The following HIVEP2 variants were observed in gnomAD, a reference collection of about 807,000 sequenced individuals.
HIVEP2 encodes HIVEP zinc finger 2.
A neutral mutation model predicts 180.7 loss-of-function variants in HIVEP2; 14 were observed. The observed-to-expected ratio is 0.08, with a 90% CI of 0.05 to 0.12. The LOEUF (loss-of-function observed/expected upper bound fraction) is 0.12. Among genes scored for constraint, HIVEP2 ranks in the 10% least tolerant of loss-of-function variants. The probability of loss-of-function intolerance (pLI) is 1.00; values close to 1 mark genes in which losing one functional copy is unlikely to be tolerated. For synonymous variants in HIVEP2, 1,184 were observed against 1,136.4 expected (o/e 1.04, Z -0.84); for missense variants, 2,579 against 3,008.5 (o/e 0.86, Z 3.34).
At chr6:142,877,948 A>G (rs556969223) in intron 1 of HIVEP2, among the ~76,000 whole-genome samples, 2 of 152,242 alleles carry the variant, frequency 1.3e-5, no homozygotes, top group East Asian at 3.9e-4. Context: ...TTTCCAAACA[A>G]GTGCTGGGAT....
At chr6:142,836,727 A>G (rs756872744) in intron 2 of HIVEP2, among the ~76,000 whole-genome samples, 34 of 152,160 alleles carry the variant, frequency 2.2e-4, no homozygotes, top group Non-Finnish European at 4.1e-4. Flanking sequence ...ACATTTTCTA[A>G]TCTTCAGCTA....
chr6:142,885,182 G>T (rs1464233517), intron 1 of HIVEP2, among the ~76,000 whole-genome samples: 3 of 152,088 alleles, frequency 2.0e-5, no homozygotes, highest in Admixed American at 2.0e-4. Context: ...ACTCTGCGCA[G>T]CCCATGGCAA....
Position 142,899,840 on chromosome 6 carries a change from A to G in HIVEP2, c.-641+45259T>C, listed in dbSNP as rs143818676. The stretch of plus-strand genomic sequence containing the variant: ...GGGTTAAGTACAGAGGTGAAAGGAA[A>G]AGGGTGAAGATCTGTATTTAATAGC... On this transcript the variant is annotated intron_variant, in intron 1 of 9. Coordinates refer to ENST00000367603, the MANE Select transcript of HIVEP2 (RefSeq NM_006734.4). Among the ~76,000 whole-genome samples, 3 of 152,268 alleles carry G rather than the reference A, an allele frequency of 2.0e-5. No individual in the cohort carries two copies. The East Asian group carries it at 5.8e-4, about 29-fold the overall frequency.
Position 142,753,123 on chromosome 6 carries a change from T to C in HIVEP2, c.7325A>G (p.Lys2442Arg). ...CATCATAGATCAATGTAGCTGACTC[T>C]TTTCTGATGAAGGATCTTTGCTTTC... is the stretch of plus-strand genomic sequence containing the variant. The part of the protein sequence containing the change: ...TEESKDPSSE[K>R]SQLH Residue 2442 changes from lysine (K) to arginine (R), a missense_variant, in exon 10 of 10, where the codon AAG (lysine) becomes AGG (arginine). Physicochemically the swap from Lys to Arg is conservative, Grantham distance 26. Coordinates refer to ENST00000367603, the MANE Select transcript of HIVEP2 (RefSeq NM_006734.4). 1 of 1,602,142 alleles carries C rather than the reference T, an allele frequency of 6.2e-7. No individual in the cohort carries two copies. The highest frequency in any genetic ancestry group is 8.6e-7 in the Non-Finnish European group (1 of 1,169,050).
chr6:142,785,330 A>T (rs1313008023), intron 2 of HIVEP2, among the ~76,000 whole-genome samples: 1 of 146,354 alleles, frequency 6.8e-6, no homozygotes, highest in African/African-American at 2.5e-5. Context: ...AAAAAAAAAA[A>T]AAAAAAAAAA....
At position 142,890,360 on chromosome 6, in the gene HIVEP2, C is replaced by A. The variant is rs184847939; in HGVS notation, c.-640-53313G>T. 5.3e-5 allele frequency among the ~76,000 whole-genome samples: 8 copies of A among 152,344 alleles called. No homozygotes were observed. The East Asian group carries it at 1.5e-3, about 29-fold the overall frequency. On this transcript the variant is annotated intron_variant, in intron 1 of 9. Coordinates refer to ENST00000367603, the MANE Select transcript of HIVEP2 (RefSeq NM_006734.4). ...AGTTAACGCAATTCAGCTTTTATTG[C>A]GTGTACTTCTTCACATATTCGTGCA...
chr6:142,785,558 C>T (rs1775978313), intron 2 of HIVEP2, among the ~76,000 whole-genome samples: 1 of 152,128 alleles, frequency 6.6e-6, no homozygotes, highest in African/African-American at 2.4e-5. Flanking sequence ...CACCAACCTC[C>T]CTTCCCTTCC....
intron 9 of HIVEP2, among the ~76,000 whole-genome samples, 166 bp from the exon 10 acceptor site, chr6:142,754,097 T>A (rs548615464): frequency 1.3e-5 from 2 of 152,330 alleles, no homozygotes; most frequent in South Asian, 4.1e-4. Context: ...AAAAGAGATT[T>A]CTCTGTTCTC....
At chr6:142,869,180 T>C (rs1776221829) in intron 1 of HIVEP2, among the ~76,000 whole-genome samples, 1 of 152,248 alleles carries the variant, frequency 6.6e-6, no homozygotes, top group South Asian at 2.1e-4. Flanking sequence ...CAACAAAGAA[T>C]TATCTGGAAC....
intron 1 of HIVEP2, among the ~76,000 whole-genome samples, chr6:142,917,557 T>C (rs1198768767): frequency 6.6e-6 from 1 of 152,192 alleles, no homozygotes; most frequent in East Asian, 1.9e-4. Context: ...AAAACATTAG[T>C]ATTTCCTAAC....
At chr6:142,796,074 A>AC (rs1186230212) in intron 2 of HIVEP2, among the ~76,000 whole-genome samples, 3 of 56,300 alleles carry the variant, frequency 5.3e-5, no homozygotes, top group Non-Finnish European at 1.6e-4. Flanking sequence ...AGTAGTAGAT[A>AC]TATTGCTGTT....
At chr6:142,816,290 A>G (rs1411920236) in intron 2 of HIVEP2, among the ~76,000 whole-genome samples, 1 of 152,240 alleles carries the variant, frequency 6.6e-6, no homozygotes, top group Non-Finnish European at 1.5e-5. Context: ...AAGAGTTCAC[A>G]GCCAATGATT....
chr6:142,838,707 G>C (rs1775285784), intron 1 of HIVEP2, among the ~76,000 whole-genome samples: 1 of 152,026 alleles, frequency 6.6e-6, no homozygotes, highest in Admixed American at 6.6e-5. Context: ...CAAGATGCAG[G>C]ACAAACTTCA....
At chr6:142,825,663 G>C (rs532490081) in intron 2 of HIVEP2, among the ~76,000 whole-genome samples, 37 of 152,246 alleles carry the variant, frequency 2.4e-4, no homozygotes, top group Middle Eastern at 3.4e-3. Context: ...AGACATTACA[G>C]AAATTGTACA....
At position 142,772,429 on chromosome 6, in the gene HIVEP2, T is replaced by C. The variant is rs1326398193; in HGVS notation, c.2310A>G (p.Pro770=). The C allele has an allele frequency of 6.2e-7, 1 of 1,614,118 alleles. No homozygotes were observed. The highest frequency in any genetic ancestry group is 1.3e-5 in the African/African-American group (1 of 74,942). ...PCRPQLQPGS[P]SLVSEESPSA... is the part of the protein sequence containing the mutation. ...AAGGTGACTCCTCTGACACAAGAGA[T>C]GGACTTCCAGGCTGCAGTTGGGGCC... The change falls in exon 5 of 10, where the codon CCA becomes CCG. Residue 770 remains proline, a synonymous_variant. Coordinates refer to ENST00000367603, the MANE Select transcript of HIVEP2 (RefSeq NM_006734.4). This position sits in a 1 kb window ranked among gnomAD's most constrained non-coding sequence, Gnocchi z 4.9.
chr6:142,813,669 G>T (rs1176032561), intron 2 of HIVEP2, among the ~76,000 whole-genome samples: 9 of 149,222 alleles, frequency 6.0e-5, no homozygotes, highest in African/African-American at 2.2e-4. Context: ...CAACTTTCAA[G>T]GACTCAAGCA....
intron 2 of HIVEP2, among the ~76,000 whole-genome samples, chr6:142,829,099 G>A (rs1271977791): frequency 6.6e-6 from 1 of 152,086 alleles, no homozygotes; most frequent in Non-Finnish European, 1.5e-5. Flanking sequence ...CATCTGTGGT[G>A]AGCAGATTAA....
chr6:142,847,211 G>A (rs188360013), intron 1 of HIVEP2, among the ~76,000 whole-genome samples: 142 of 152,230 alleles, frequency 9.3e-4, no homozygotes, highest in Admixed American at 8.7e-3. Context: ...AATCTGGTGC[G>A]GGGAATGCCA....
At chr6:142,885,550 G>C (rs1342320404) in intron 1 of HIVEP2, among the ~76,000 whole-genome samples, 1 of 152,136 alleles carries the variant, frequency 6.6e-6, no homozygotes, top group Non-Finnish European at 1.5e-5. Context: ...ATGTATGGTA[G>C]GAGACCTGAT....
Sources: gnomAD v4.1 joint callset for allele counts (sites outside exome capture counted in the v4.1 genomes callset) on GRCh38, gnomAD v4.1.1 for gene constraint, Gnocchi (gnomAD v3.1) non-coding constraint, MANE v1.5 for transcripts, NCBI Gene and HGNC (gene_info 2026-07-23, HGNC 2026-07-21) for gene names.